KLHL13: variants seen among roughly 807,000 people sequenced by gnomAD.
The protein encoded by KLHL13 is kelch-like protein 13.
In KLHL13, 10 loss-of-function variants were observed where a neutral mutation model predicts 37.1. The observed-to-expected ratio is 0.27, with a 90% CI of 0.17 to 0.46. The LOEUF (loss-of-function observed/expected upper bound fraction) is 0.46. Ranked by LOEUF, KLHL13 falls within the 20% of genes least tolerant of loss-of-function variation. The pLI, the probability that KLHL13 is intolerant of heterozygous loss-of-function variation, is 1.00. For missense variants in KLHL13, 360 were observed against 509.3 expected (o/e 0.71, Z 2.82); for synonymous variants, 163 against 181.2 (o/e 0.90, Z 0.81).
At chrX:118,016,129 T>G (rs6646028) in intron 1 of KLHL13, among the ~76,000 whole-genome samples, 17,323 of 111,599 alleles carry the variant, frequency 0.16, 1,796 homozygotes, top group African/African-American at 0.38. Context: ...ATGTGCTTCG[T>G]CTTAAAAATA....
intron 1 of KLHL13, among the ~76,000 whole-genome samples, chrX:118,053,399 C>T (rs776407152): frequency 1.2e-3 from 137 of 111,374 alleles, no homozygotes; most frequent in African/African-American, 4.0e-3. Context: ...GACAAAAAAC[C>T]AAACACCGAA....
At chrX:117,985,182 C>T in intron 1 of KLHL13, 1 of 855,936 alleles carries the variant, frequency 1.2e-6, no homozygotes. Flanking sequence ...AAATAACAGG[C>T]TTGCTATTTT....
chrX:117,933,204 A>G (rs993927184), intron 2 of KLHL13, among the ~76,000 whole-genome samples: 3 of 111,267 alleles, frequency 2.7e-5, no homozygotes, highest in Non-Finnish European at 5.7e-5. Flanking sequence ...GAAGAGCCAA[A>G]GCAATCATGA....
intron 1 of KLHL13, among the ~76,000 whole-genome samples, chrX:118,073,824 T>C (rs918832372): frequency 9.0e-6 from 1 of 111,623 alleles, no homozygotes; most frequent in African/African-American, 3.3e-5. Flanking sequence ...CCAGTAACTG[T>C]CATGTGAGCC....
At chrX:117,907,632 G>T (rs1930637085) in intron 5 of KLHL13, among the ~76,000 whole-genome samples, 1 of 111,580 alleles carries the variant, frequency 9.0e-6, no homozygotes, top group Non-Finnish European at 1.9e-5. Flanking sequence ...GGTTGACTGA[G>T]GAGGCCTAAA....
chrX:117,913,848 GA>G (rs1201645166), intron 4 of KLHL13, among the ~76,000 whole-genome samples: 85 of 57,313 alleles, frequency 1.5e-3, no homozygotes, highest in South Asian at 0.014. Context: ...TCAAAAAAAA[GA>G]AAAAAAAAAA....
chrX:117,945,645 A>G, intron 1 of KLHL13, 70 bp from the exon 3 acceptor site: 1 of 917,246 alleles, frequency 1.1e-6, no homozygotes, highest in Non-Finnish European at 1.5e-6. Context: ...GATTATTTAG[A>G]AAAATAATCA....
chrX:117,946,531 G>A (rs1374893013), intron 1 of KLHL13: 2 of 111,763 alleles, frequency 1.8e-5, no homozygotes, highest in Non-Finnish European at 3.8e-5. Flanking sequence ...TTCTCCATAG[G>A]TATACATTGC....
chrX:117,930,705 T>A (rs1194352016), intron 2 of KLHL13, among the ~76,000 whole-genome samples: 1 of 111,412 alleles, frequency 9.0e-6, no homozygotes, highest in Non-Finnish European at 1.9e-5. Context: ...CACAGTCAAT[T>A]CGAAGAATAA....
At chrX:117,935,827 T>C (rs1308704323) in intron 2 of KLHL13, among the ~76,000 whole-genome samples, 5 of 110,917 alleles carry the variant, frequency 4.5e-5, no homozygotes, top group Non-Finnish European at 9.4e-5. Context: ...TCAGTTGCCA[T>C]ATTGAGAAAA....
intron 1 of KLHL13, among the ~76,000 whole-genome samples, chrX:117,957,771 C>G (rs184267637): frequency 9.0e-6 from 1 of 111,344 alleles, no homozygotes; most frequent in Admixed American, 9.6e-5. Flanking sequence ...TTTCTTTTAT[C>G]AAACTATACA....
At chrX:118,095,835 G>A (rs1161057874) in intron 1 of KLHL13, among the ~76,000 whole-genome samples, 23 of 111,936 alleles carry the variant, frequency 2.1e-4, no homozygotes, top group Non-Finnish European at 3.8e-4. Flanking sequence ...GATGTTCTTT[G>A]AAACCAATGA....
chrX:118,009,307 G>A (rs769885208), intron 1 of KLHL13, among the ~76,000 whole-genome samples: 3 of 74,334 alleles, frequency 4.0e-5, no homozygotes, highest in African/African-American at 1.0e-4. Context: ...TTGGTGTTTT[G>A]GACATGAAGT....
At chrX:118,022,646 A>G (rs1255043422) in intron 1 of KLHL13, among the ~76,000 whole-genome samples, 2 of 112,033 alleles carry the variant, frequency 1.8e-5, no homozygotes, top group African/African-American at 3.2e-5. Context: ...TTTTTAAAAT[A>G]TATCTATTCA....
At chrX:118,028,580 A>G (rs1042577327) in intron 1 of KLHL13, 83 bp from the exon 2 acceptor site, 1 of 463,532 alleles carries the variant, frequency 2.2e-6, no homozygotes, top group Admixed American at 3.4e-5. Flanking sequence ...ATATTTTTAT[A>G]CTTTTCATGG....
chrX:118,113,084 G>A (rs759493669), intron 1 of KLHL13, among the ~76,000 whole-genome samples: 20 of 111,771 alleles, frequency 1.8e-4, no homozygotes, highest in African/African-American at 6.2e-4. Context: ...TAATAAAGTT[G>A]GTGACAACTT....
At chrX:118,050,628 C>T (rs2054603929) in intron 1 of KLHL13, among the ~76,000 whole-genome samples, 1 of 110,779 alleles carries the variant, frequency 9.0e-6, no homozygotes, top group Non-Finnish European at 1.9e-5. Context: ...CCTTATTCAC[C>T]TAATTAAGGA....
intron 1 of KLHL13, among the ~76,000 whole-genome samples, chrX:117,952,041 T>G (rs1472661776): frequency 9.0e-6 from 1 of 111,353 alleles, no homozygotes; most frequent in Admixed American, 9.6e-5. Context: ...TTCACAGAAT[T>G]GGAAAAAACT....
chrX:117,961,447 C>T (rs1413924730), intron 1 of KLHL13, among the ~76,000 whole-genome samples: 1 of 111,923 alleles, frequency 8.9e-6, no homozygotes, highest in Non-Finnish European at 1.9e-5. Flanking sequence ...GTAGATACAA[C>T]AAATGACCTC....
Sources: allele counts gnomAD v4.1 joint callset (sites outside exome capture counted in the v4.1 genomes callset), GRCh38; gene constraint gnomAD v4.1.1; transcripts MANE v1.5; gene names NCBI Gene and HGNC (gene_info 2026-07-23, HGNC 2026-07-21).